Variants in IQSEC1 observed in about 807,000 individuals in gnomAD.
The protein encoded by IQSEC1 is IQ motif and SEC7 domain-containing protein 1.
A neutral mutation model predicts 91.0 loss-of-function variants in IQSEC1; 31 were observed. That is an observed-to-expected ratio of 0.34 (90% CI 0.26 to 0.46). The LOEUF is 0.46. IQSEC1 is among the 20% of genes least tolerant of loss of function. IQSEC1 has a pLI of 1.00. For synonymous variants in IQSEC1, 699 were observed against 662.6 expected (o/e 1.05, Z -0.84); for missense variants, 1,388 against 1,575.6 (o/e 0.88, Z 2.02).
intron 1 of IQSEC1, among the ~76,000 whole-genome samples, chr3:13,263,439 G>GTAA (rs1553581065): frequency 9.3e-6 from 1 of 107,192 alleles, no homozygotes; most frequent in African/African-American, 3.1e-5. Flanking sequence ...GGGGGGGGGG[G>GTAA]AAAGTACCTG....
Position 12,967,690 on chromosome 3 carries a change from G to C in IQSEC1, c.24-25825C>G. 8.7e-7 allele frequency: 1 copy of C among 1,152,622 alleles called. No homozygotes were observed. The highest frequency in any genetic ancestry group is 4.8e-5 in the Admixed American group (1 of 20,922). The allele number at this position is 1,152,622 out of a possible 1,614,324, so 71.4% of individuals were successfully genotyped here. ...CCGCCCCTCCGCCGCCGCCCGCTTGGCGCAGCGCGAGGCCGGGCCGGAGGA... is the reference window on the plus strand; with the variant it reads ...CCGCCCCTCCGCCGCCGCCCGCTTGCCGCAGCGCGAGGCCGGGCCGGAGGA... On this transcript the variant is annotated intron_variant, in intron 1 of 13. Coordinates refer to ENST00000613206, the MANE Select transcript of IQSEC1 (RefSeq NM_001134382.3). This position sits in a 1 kb window ranked among gnomAD's most constrained non-coding sequence, Gnocchi z 5.9.
At position 13,165,578 on chromosome 3, in the gene IQSEC1, G is replaced by GTGTCTGTCTGTC. The variant is rs1175748332; in HGVS notation, c.273-1457_273-1446dup. ...TGTGTGTGTGTGTGTGTGTGTGTGT[G>GTGTCTGTCTGTC]TGTCTGTCTGTCTTCACTTCATCGC... On this transcript the variant is annotated intron_variant, in intron 1 of 15. Transcript: ENST00000648114. 6.3e-4 allele frequency among the ~76,000 whole-genome samples: 67 copies of GTGTCTGTCTGTC among 105,746 alleles called. 1 individual carries two copies. Among genetic ancestry groups the GTGTCTGTCTGTC allele is most frequent in the East Asian group, 4.6e-3 (14 of 3,054 alleles). The allele number at this position is 105,746 out of a possible 152,430, so 69.4% of individuals were successfully genotyped here. A position where few individuals can be genotyped will look rare whatever the true frequency, so the allele number is the denominator to read the frequency against.
chr3:13,074,852 T>G (rs1375621248), upstream of IQSEC1, among the ~76,000 whole-genome samples: 1 of 152,176 alleles, frequency 6.6e-6, no homozygotes, highest in Non-Finnish European at 1.5e-5. Context: ...CATTCCATCC[T>G]TTACAGGGGA....
At chr3:12,905,782 C>T (rs1245001548) in intron 12 of IQSEC1, among the ~76,000 whole-genome samples, 5 of 152,256 alleles carry the variant, frequency 3.3e-5, no homozygotes, top group African/African-American at 7.2e-5. Flanking sequence ...AGGTCCTCTC[C>T]GTAAGGACTC....
At chr3:13,096,888 T>C (rs1576248261) in intron 2 of IQSEC1, among the ~76,000 whole-genome samples, 1 of 143,506 alleles carries the variant, frequency 7.0e-6, no homozygotes, top group Non-Finnish European at 1.5e-5. Context: ...TGAAATGGAG[T>C]CTCGCTCTGT....
Position 12,937,091 on chromosome 3 carries a change from C to A in IQSEC1, c.319-394G>T, listed in dbSNP as rs6788536. Among the ~76,000 whole-genome samples the A allele has an allele frequency of 9.5e-3, 1,452 of 152,228 alleles. 28 individuals carry two copies. The highest frequency in any genetic ancestry group is 0.033 in the African/African-American group (1,366 of 41,524). On this transcript the variant is annotated intron_variant, in intron 2 of 13. Transcript: ENST00000613206. ...GGGATTACAGACACCCACCACCACG[C>A]CCAGCTAATTTTTGTATTTTTAGTA...
chr3:13,219,157 C>T (rs1039962749), intron 1 of IQSEC1, among the ~76,000 whole-genome samples: 1 of 152,188 alleles, frequency 6.6e-6, no homozygotes, highest in African/African-American at 2.4e-5. Context: ...CCCCCAAGCT[C>T]CTGCAAAAAC....
intron 1 of IQSEC1, among the ~76,000 whole-genome samples, chr3:12,972,361 G>C (rs1700948152): frequency 6.6e-6 from 1 of 152,148 alleles, no homozygotes; most frequent in East Asian, 1.9e-4. Context: ...AAGGTCTTCT[G>C]ACATCTTCTA....
Position 12,924,807 on chromosome 3 carries a change from G to T in IQSEC1, c.1569-65C>A, listed in dbSNP as rs573645348. 108 of 1,452,914 alleles carry T rather than the reference G, an allele frequency of 7.4e-5. No individual in the cohort carries two copies. In the Admixed American group the frequency reaches 2.3e-3, roughly 31 times the overall value. 90.0% of individuals were successfully genotyped at this position (1,452,914 alleles called of 1,614,324 possible). On this transcript the variant is annotated intron_variant, in intron 3 of 13. Transcript: ENST00000613206. The surrounding 1 kb of genome is among the most constrained non-coding windows in gnomAD (Gnocchi z 6.3). ...GGCCACCAGCCAGGCACCTGGAGGG[G>T]ATCTCCGCTCAGTGGACGGTCGACA...
At chr3:13,173,289 G>A (rs774471780) in intron 1 of IQSEC1, among the ~76,000 whole-genome samples, 3 of 152,224 alleles carry the variant, frequency 2.0e-5, no homozygotes, top group Admixed American at 6.5e-5. Context: ...TGCTGCTCCC[G>A]GCTCTGAGTC....
chr3:13,201,186 A>G (rs1694238362), intron 1 of IQSEC1, among the ~76,000 whole-genome samples: 1 of 152,178 alleles, frequency 6.6e-6, no homozygotes, highest in African/African-American at 2.4e-5. Flanking sequence ...TCAAGGCCAC[A>G]TGGCCAGGAA....
rs965878414 is a variant in IQSEC1, at chr3:12,941,667, G to A, written c.222C>T (p.Thr74=). The A allele has an allele frequency of 6.8e-6, 11 of 1,613,090 alleles. No homozygotes were observed. The highest frequency in any genetic ancestry group is 9.3e-6 in the Non-Finnish European group (11 of 1,179,956). The part of the protein sequence containing the change: ...RTRRPKLQHS[T]SILRKQAEEE... ...CCTCAGCCTGCTTGCGCAGGATGGA[G>A]GTCGAGTGCTGCAGCTTGGGCCTCC... is the stretch of plus-strand genomic sequence containing the variant. Residue 74 remains threonine (T), a synonymous_variant, in exon 2 of 14, where the codon ACC becomes ACT. Coordinates refer to ENST00000613206, the MANE Select transcript of IQSEC1 (RefSeq NM_001134382.3).
intron 2 of IQSEC1, among the ~76,000 whole-genome samples, chr3:13,082,535 C>T (rs1177364149): frequency 6.6e-6 from 1 of 152,194 alleles, no homozygotes; most frequent in Non-Finnish European, 1.5e-5. Context: ...GGCCCAGGTG[C>T]CCACCTGGCC....
At chr3:13,194,690 G>T (rs1694095857) in intron 1 of IQSEC1, among the ~76,000 whole-genome samples, 1 of 152,084 alleles carries the variant, frequency 6.6e-6, no homozygotes, top group Non-Finnish European at 1.5e-5. Flanking sequence ...TCCAAAGACT[G>T]AGAGGCGAGG....
chr3:13,158,200 G>A (rs892654884), intron 2 of IQSEC1, among the ~76,000 whole-genome samples: 12 of 152,190 alleles, frequency 7.9e-5, no homozygotes, highest in Admixed American at 2.6e-4. Context: ...GCTGGATAGC[G>A]GCAGAGGGAC....
intron 1 of IQSEC1, among the ~76,000 whole-genome samples, chr3:13,210,381 G>A (rs538266655): frequency 2.0e-5 from 3 of 152,164 alleles, no homozygotes; most frequent in East Asian, 1.9e-4. Flanking sequence ...AATGTTTCAC[G>A]CAGCTGGCAG....
chr3:13,146,128 C>A (rs1251436548), intron 2 of IQSEC1, among the ~76,000 whole-genome samples: 1 of 151,844 alleles, frequency 6.6e-6, no homozygotes, highest in Non-Finnish European at 1.5e-5. Context: ...GCTGGGACTG[C>A]AGGCATGTAC....
intron 1 of IQSEC1, among the ~76,000 whole-genome samples, chr3:12,946,051 C>G (rs1699156912): frequency 6.6e-6 from 1 of 152,220 alleles, no homozygotes; most frequent in Admixed American, 6.5e-5. Flanking sequence ...TATCCTATGT[C>G]AACCTTTCCC....
chr3:13,196,097 TTC>T lies in IQSEC1; in HGVS notation c.273-31966_273-31965del, dbSNP rs571979269. Among the ~76,000 whole-genome samples the T allele has an allele frequency of 1.6e-3, 251 of 152,294 alleles. 1 individual carries two copies. The highest frequency in any genetic ancestry group is 5.8e-3 in the African/African-American group (242 of 41,556). On this transcript the variant is annotated intron_variant, in intron 1 of 15. Coordinates refer to the IQSEC1 transcript ENST00000648114. ...ATCTGGTGCTTTTGTCCCCTCCCTC[TTC>T]TCTTTCTCTCTTTCTCTGGGGACAC...
Sources: gnomAD v4.1 joint callset for allele counts (sites outside exome capture counted in the v4.1 genomes callset) on GRCh38, gnomAD v4.1.1 for gene constraint, Gnocchi (gnomAD v3.1) non-coding constraint, MANE v1.5 for transcripts, NCBI Gene and HGNC (gene_info 2026-07-23, HGNC 2026-07-21) for gene names.